The following NUBPL variants were observed in gnomAD, a reference collection of about 807,000 sequenced individuals.
NUBPL encodes the protein NUBP iron-sulfur cluster assembly factor, mitochondrial, also known as iron-sulfur cluster transfer protein NUBPL.
Under a neutral mutation model 45.7 loss-of-function variants are expected in NUBPL, and 31 were observed. The observed-to-expected ratio is 0.68, with a 90% CI of 0.51 to 0.92. NUBPL has a LOEUF of 0.92. Ranked by LOEUF, NUBPL falls within the 40% of genes least tolerant of loss-of-function variation. The pLI, the probability that NUBPL is intolerant of heterozygous loss-of-function variation, is 0.00. For missense variants in NUBPL, 401 were observed against 398.7 expected, an observed-to-expected ratio of 1.01 and a Z score of -0.05; for synonymous variants, 144 against 140.9, an observed-to-expected ratio of 1.02 and a Z score of -0.15.
At chr14:31,733,603 A>T (rs2038101131) in intron 6 of NUBPL, among the ~76,000 whole-genome samples, 1 of 152,164 alleles carries the variant, frequency 6.6e-6, no homozygotes, top group South Asian at 2.1e-4. Context: ...TGTTTCTAAT[A>T]CAAAGAAACA....
chr14:31,652,295 A>G (rs117725487), intron 4 of NUBPL, among the ~76,000 whole-genome samples: 2,563 of 152,306 alleles, frequency 0.017, 43 homozygotes, highest in Non-Finnish European at 0.027. Flanking sequence ...GGGGTTCCAA[A>G]TGGGAGAATG....
intron 3 of NUBPL, among the ~76,000 whole-genome samples, chr14:31,585,174 T>G (rs1382764281): frequency 6.6e-6 from 1 of 152,140 alleles, no homozygotes; most frequent in African/African-American, 2.4e-5. Context: ...CTGGGCCACA[T>G]TGGAAGAAGA....
At chr14:31,850,635 T>C (rs1212199623) in intron 10 of NUBPL, among the ~76,000 whole-genome samples, 1 of 152,164 alleles carries the variant, frequency 6.6e-6, no homozygotes, top group Non-Finnish European at 1.5e-5. Context: ...CTTTCCTTTT[T>C]CTTCAGACAG....
rs745351097 is a variant in NUBPL, at chr14:31,562,176, G to T, written c.217G>T (p.Ala73Ser). ...IEGVKQVIVV[A>S]SGKGGVGKST... The stretch of plus-strand genomic sequence containing the variant: ...AGGTGTTAAACAAGTTATAGTTGTG[G>T]CTTCTGGAAAGGGTGGAGTCGGAAA... The change falls in exon 2 of 11, where the codon GCT becomes TCT. Residue 73 changes from alanine (A) to serine (S), a missense_variant. By Grantham distance (99) the Ala-to-Ser change is moderately conservative (BLOSUM62 1). Coordinates refer to ENST00000281081, the MANE Select transcript of NUBPL (RefSeq NM_025152.3). 75 of 1,613,992 alleles carry T rather than the reference G, an allele frequency of 4.6e-5. 2 individuals are homozygous for T. In the South Asian group the frequency reaches 7.6e-4, roughly 16 times the overall value.
At chr14:31,856,296 G>A (rs559851360) in intron 10 of NUBPL, among the ~76,000 whole-genome samples, 3 of 152,120 alleles carry the variant, frequency 2.0e-5, no homozygotes, top group East Asian at 1.9e-4. Flanking sequence ...GAACAGCATG[G>A]GAAAGACCCA....
At chr14:31,746,080 G>C (rs2038393847) in intron 6 of NUBPL, among the ~76,000 whole-genome samples, 1 of 152,038 alleles carries the variant, frequency 6.6e-6, no homozygotes. Context: ...CAAGCTATAA[G>C]CTCTGCAGAG....
In NUBPL at chr14:31,562,079, C is replaced by T. The variant is rs1366579114; in HGVS notation, c.120C>T (p.Ala40=). The T allele has an allele frequency of 6.2e-7, 1 of 1,600,624 alleles. No individual in the cohort carries two copies. Among genetic ancestry groups the T allele is most frequent in the Non-Finnish European group, 8.5e-7 (1 of 1,172,992 alleles). ...AMVCGRQLSG[A]GSETLKQRRT... ...ATTATTTTTTAAAGTTGTCTGGCGC[C>T]GGGAGTGAGACCCTAAAACAAAGAA... is the stretch of plus-strand genomic sequence containing the variant. The change falls in exon 2 of 11, where the codon GCC becomes GCT. Residue 40 remains alanine (A), a synonymous_variant. Coordinates refer to ENST00000281081, the MANE Select transcript of NUBPL (RefSeq NM_025152.3).
chr14:31,570,243 G>A (rs1444271543), intron 3 of NUBPL, among the ~76,000 whole-genome samples: 1 of 151,886 alleles, frequency 6.6e-6, no homozygotes, highest in Non-Finnish European at 1.5e-5. Context: ...ATATTTTTTT[G>A]GTATATAGTT....
intron 8 of NUBPL, among the ~76,000 whole-genome samples, chr14:31,833,137 G>A (rs926814303): frequency 2.6e-5 from 4 of 152,144 alleles, no homozygotes; most frequent in Non-Finnish European, 4.4e-5. Context: ...TGAGGCCGAG[G>A]CAGGAGTACT....
At chr14:31,633,438 T>C (rs1218021446) in intron 4 of NUBPL, among the ~76,000 whole-genome samples, 1 of 152,216 alleles carries the variant, frequency 6.6e-6, no homozygotes, top group Non-Finnish European at 1.5e-5. Context: ...CTTGGAGAGA[T>C]CTTTGCAAGT....
At chr14:31,844,654 C>A (rs115601359) in intron 8 of NUBPL, 2 of 147,396 alleles carry the variant, frequency 1.4e-5, no homozygotes, top group African/African-American at 4.9e-5. Flanking sequence ...ACAATTTTTT[C>A]GCCTTCTTAT....
At chr14:31,578,229 A>C (rs1029156048) in intron 3 of NUBPL, among the ~76,000 whole-genome samples, 2 of 152,218 alleles carry the variant, frequency 1.3e-5, no homozygotes, top group Non-Finnish European at 2.9e-5. Flanking sequence ...GCAAAACCCC[A>C]AAAACTTGTT....
At chr14:31,604,999 A>G (rs1425351887) in intron 4 of NUBPL, among the ~76,000 whole-genome samples, 1 of 152,246 alleles carries the variant, frequency 6.6e-6, no homozygotes, top group Non-Finnish European at 1.5e-5. Flanking sequence ...ATGACTGAAG[A>G]TGAGCAGTTA....
At chr14:31,655,780 G>C (rs1055729341) in intron 4 of NUBPL, among the ~76,000 whole-genome samples, 5 of 152,294 alleles carry the variant, frequency 3.3e-5, no homozygotes, top group East Asian at 1.9e-4. Flanking sequence ...ATAGAGCACA[G>C]GCAGAGTAGA....
chr14:31,801,872 T>G (rs548912629), intron 7 of NUBPL, among the ~76,000 whole-genome samples: 22 of 152,318 alleles, frequency 1.4e-4, no homozygotes, highest in Admixed American at 5.2e-4. Flanking sequence ...AAATCCTGTT[T>G]TGATTTCTTA....
chr14:31,747,140 CT>C (rs71115028), intron 6 of NUBPL, among the ~76,000 whole-genome samples: 13 of 123,906 alleles, frequency 1.0e-4, no homozygotes, highest in Admixed American at 1.7e-4. Context: ...CTGGGCTTTT[CT>C]TTTTTTTTTT....
chr14:31,731,493 T>C (rs556863412), intron 6 of NUBPL, among the ~76,000 whole-genome samples: 35 of 152,332 alleles, frequency 2.3e-4, no homozygotes, highest in African/African-American at 8.2e-4. Flanking sequence ...ATTGCTTAAG[T>C]TTTCTGCTGT....
chr14:31,832,479 A>C (rs891812256), intron 8 of NUBPL, among the ~76,000 whole-genome samples: 1 of 152,180 alleles, frequency 6.6e-6, no homozygotes, highest in Non-Finnish European at 1.5e-5. Flanking sequence ...ACTAGAAATA[A>C]GAGGTTAGGT....
At chr14:31,818,059 A>G (rs1566580123) in intron 7 of NUBPL, among the ~76,000 whole-genome samples, 1 of 152,226 alleles carries the variant, frequency 6.6e-6, no homozygotes, top group Non-Finnish European at 1.5e-5. Context: ...GCAAAGATTT[A>G]AAAAGACAAA....
Sources: allele counts gnomAD v4.1 joint callset (sites outside exome capture counted in the v4.1 genomes callset), GRCh38; gene constraint gnomAD v4.1.1; transcripts MANE v1.5; gene names NCBI Gene and HGNC (gene_info 2026-07-23, HGNC 2026-07-21).